The following FAM53A variants were observed in gnomAD, a reference collection of about 807,000 sequenced individuals.
The protein encoded by FAM53A is protein FAM53A.
Under a neutral mutation model 26.6 loss-of-function variants are expected in FAM53A, and 28 were observed. The observed-to-expected ratio is 1.05, with a 90% CI of 0.78 to 1.45. The LOEUF is 1.45. Among genes scored for constraint, FAM53A ranks in the 40% most tolerant of loss-of-function variants. FAM53A has a pLI of 0.00. For missense variants in FAM53A, 650 were observed against 575.8 expected, an observed-to-expected ratio of 1.13 and a Z score of -1.32; for synonymous variants, 290 against 253.1, an observed-to-expected ratio of 1.15 and a Z score of -1.38.
At chr4:1,626,583 T>C (rs976238188) in intron 1 of FAM53A, among the ~76,000 whole-genome samples, 2 of 142,690 alleles carry the variant, frequency 1.4e-5, no homozygotes, top group Non-Finnish European at 3.0e-5. Context: ...CCTGGGACAG[T>C]GTAGACTCTC....
At chr4:1,652,389 G>GCACAC (rs1553806264) in intron 4 of FAM53A, among the ~76,000 whole-genome samples, 10 of 118,424 alleles carry the variant, frequency 8.4e-5, no homozygotes, top group Admixed American at 1.8e-4. Context: ...CACATCACAT[G>GCACAC]CACACCACAC....
rs746342747 is a variant in FAM53A, at chr4:1,655,185, TGA to T, written c.673_674del (p.Ser225ThrfsTer52). 1.9e-6 allele frequency: 3 copies of T among 1,569,218 alleles called. 1 individual carries two copies. The highest frequency in any genetic ancestry group is 2.3e-5 in the South Asian group (2 of 86,672). On this transcript the variant is annotated frameshift_variant, in exon 4 of 5. Transcript: ENST00000308132. LOFTEE classifies it high-confidence loss of function. ...TGCCCGCACCCGCGAGTCGCTCCTGTGAGAGGGACGGGCGGCGCCTCGTGGAG... is the reference window on the plus strand; with the variant it reads ...TGCCCGCACCCGCGAGTCGCTCCTGTGAGGGACGGGCGGCGCCTCGTGGAG... The part of the protein sequence containing the change: ...LPSTRRRPSL[S>X]QERLAGAGTP...
the FAM53A span, among the ~76,000 whole-genome samples, chr4:1,598,990 A>G: frequency 6.6e-6 from 1 of 152,266 alleles, no homozygotes; most frequent in African/African-American, 2.4e-5. Context: ...TAGCGTGCGC[A>G]GGGGTGCGTG....
intron 1 of FAM53A, 49 bp downstream of exon 1, chr4:1,684,184 G>T (rs1437448546): frequency 6.6e-6 from 1 of 151,614 alleles, no homozygotes; most frequent in Non-Finnish European, 1.5e-5. Flanking sequence ...AATGGGCAGC[G>T]TGGACAAGAG....
the FAM53A span, among the ~76,000 whole-genome samples, chr4:1,604,766 C>A: frequency 1.3e-5 from 2 of 152,114 alleles, no homozygotes; most frequent in African/African-American, 4.8e-5. Flanking sequence ...TCCGCTGCAG[C>A]CCCCGCCCCA....
intron 1 of FAM53A, among the ~76,000 whole-genome samples, chr4:1,680,267 C>T (rs1369506448): frequency 1.5e-5 from 2 of 132,534 alleles, no homozygotes; most frequent in Non-Finnish European, 3.1e-5. Context: ...TTCGGTGAGC[C>T]GAGATCGCAC....
chr4:1,596,412 T>TCCCCCCCCCCCC, the FAM53A span, among the ~76,000 whole-genome samples: 1 of 139,748 alleles, frequency 7.2e-6, no homozygotes, highest in African/African-American at 2.7e-5. Context: ...CCACCCACCT[T>TCCCCCCCCCCCC]CCCCAAAGGT....
intron 1 of FAM53A, among the ~76,000 whole-genome samples, chr4:1,624,518 A>G (rs769175249): frequency 2.0e-5 from 3 of 152,188 alleles, no homozygotes; most frequent in Non-Finnish European, 4.4e-5. Context: ...GTGACTGCGC[A>G]GGGACTCCAG....
At chr4:1,674,664 G>C (rs1341503773) in intron 1 of FAM53A, among the ~76,000 whole-genome samples, 2 of 45,232 alleles carry the variant, frequency 4.4e-5, no homozygotes, top group Admixed American at 2.8e-4. Context: ...GTGAGACTCT[G>C]TCTCAAAAAA....
chr4:1,632,264 C>T (rs1191698329), intron 1 of FAM53A, among the ~76,000 whole-genome samples: 1 of 151,992 alleles, frequency 6.6e-6, no homozygotes. Flanking sequence ...CTAATCTGAC[C>T]TGTGTCCTCA....
chr4:1,598,921 T>C, the FAM53A span, among the ~76,000 whole-genome samples: 1 of 152,266 alleles, frequency 6.6e-6, no homozygotes, highest in Non-Finnish European at 1.5e-5. Flanking sequence ...AATATACTTG[T>C]AATTGGGTTA....
At chr4:1,639,691 G>A (rs1007106852), downstream of FAM53A, among the ~76,000 whole-genome samples, 8 of 152,296 alleles carry the variant, frequency 5.3e-5, no homozygotes, top group South Asian at 2.1e-4. Flanking sequence ...AGGGTCACCC[G>A]AGAGCCAGAA....
chr4:1,621,100 A>AATTTTTTTTT (rs1560106132), intron 1 of FAM53A, among the ~76,000 whole-genome samples: 1 of 77,300 alleles, frequency 1.3e-5, no homozygotes, highest in East Asian at 3.7e-4. Flanking sequence ...CAGCTACGCT[A>AATTTTTTTTT]CTTTTTTTTT....
chr4:1,657,260 G>T, intron 3 of FAM53A, 148 bp downstream of exon 3: 1 of 700,700 alleles, frequency 1.4e-6, no homozygotes, highest in East Asian at 2.7e-5. Context: ...CGGCAGCAGG[G>T]ACCACCCCAC....
intron 2 of FAM53A, among the ~76,000 whole-genome samples, chr4:1,668,179 T>C (rs1445125827): frequency 6.6e-6 from 1 of 151,662 alleles, no homozygotes; most frequent in Non-Finnish European, 1.5e-5. Context: ...TCTCGCTCTG[T>C]CCCAGGCTGG....
At chr4:1,667,067 G>A (rs1161677189) in intron 2 of FAM53A, among the ~76,000 whole-genome samples, 3 of 151,772 alleles carry the variant, frequency 2.0e-5, no homozygotes, top group Non-Finnish European at 4.4e-5. Flanking sequence ...GGTGGAGGTT[G>A]CAGTGAGCCG....
chr4:1,669,750 C>A (rs1714495127), intron 1 of FAM53A, among the ~76,000 whole-genome samples: 1 of 152,226 alleles, frequency 6.6e-6, no homozygotes, highest in Non-Finnish European at 1.5e-5. Flanking sequence ...GCAAGGCCTT[C>A]CTCAGCAGCA....
chr4:1,627,829 G>A (rs1370260667), intron 1 of FAM53A, among the ~76,000 whole-genome samples: 1 of 151,822 alleles, frequency 6.6e-6, no homozygotes, highest in South Asian at 2.1e-4. Context: ...CAGAGGTCAT[G>A]CAGGGGGCCT....
At chr4:1,575,870 G>A in the FAM53A span, among the ~76,000 whole-genome samples, 1 of 152,140 alleles carries the variant, frequency 6.6e-6, no homozygotes, top group Admixed American at 6.5e-5. Context: ...CAGGCATACA[G>A]GACAGTCCAC....
Sources: gnomAD v4.1 joint callset for allele counts (sites outside exome capture counted in the v4.1 genomes callset) on GRCh38, gnomAD v4.1.1 for gene constraint, MANE v1.5 for transcripts, NCBI Gene and HGNC (gene_info 2026-07-23, HGNC 2026-07-21) for gene names.